The following LAMA3 variants were observed in gnomAD, a reference collection of about 807,000 sequenced individuals.
LAMA3 encodes the protein laminin subunit alpha 3.
A neutral mutation model predicts 402.0 loss-of-function variants in LAMA3; 281 were observed. The observed-to-expected ratio is 0.70, with a 90% CI of 0.63 to 0.77. The LOEUF is 0.77. LAMA3 is among the 30% of genes least tolerant of loss of function. The pLI, the probability that LAMA3 is intolerant of heterozygous loss-of-function variation, is 0.00. For synonymous variants in LAMA3, 1,431 were observed against 1,558.4 expected, an observed-to-expected ratio of 0.92 and a Z score of 1.93; for missense variants, 3,840 against 4,215.5, an observed-to-expected ratio of 0.91 and a Z score of 2.47.
chr18:23,853,776 G>A (rs1185062346), intron 32 of LAMA3, among the ~76,000 whole-genome samples: 1 of 152,190 alleles, frequency 6.6e-6, no homozygotes, highest in Non-Finnish European at 1.5e-5. Context: ...TGGTAGGGCT[G>A]TTCCTTGGGT....
In LAMA3 at chr18:23,842,612, C is replaced by T. The variant is rs748706179; in HGVS notation, c.3465C>T (p.Gly1155=). 1 of 1,614,222 alleles carries T rather than the reference C, an allele frequency of 6.2e-7. No homozygotes were observed. The highest frequency in any genetic ancestry group is 1.3e-5 in the African/African-American group (1 of 75,074). The change falls in exon 29 of 75, where the codon GGC becomes GGT. Residue 1155 remains glycine (G), a splice_region_variant and synonymous_variant. Transcript: ENST00000313654. ...VSVDGGWPRA[G]SFHASFCPHV... is the part of the protein sequence containing the mutation. ...AAAGTCTCTCTCTCTCTCTGCCAGG[C>T]TCCTTCCATGCCTCTTTTTGCCCCC...
chr18:23,707,693 G>C (rs866366759), intron 1 of LAMA3, among the ~76,000 whole-genome samples: 1 of 150,698 alleles, frequency 6.6e-6, no homozygotes, highest in African/African-American at 2.4e-5. Context: ...TAGAGACAAG[G>C]TTTCACTATG....
At chr18:23,947,512 T>G (rs1381062688) in intron 70 of LAMA3, among the ~76,000 whole-genome samples, 3 of 152,190 alleles carry the variant, frequency 2.0e-5, no homozygotes, top group Non-Finnish European at 2.9e-5. Flanking sequence ...GCTTGGATGC[T>G]AGCTGCTTAG....
Position 23,914,775 on chromosome 18 carries a change from T to G in LAMA3, c.7559T>G (p.Met2520Arg). ...SKPETPGVYDMDGRNSNTLLN... is the reference protein window; with the variant it reads ...SKPETPGVYDRDGRNSNTLLN... ...CCAGAAACACCCGGAGTCTATGACA[T>G]GGATGGTAGAAATAGCAATACACTC... Residue 2520 changes from methionine (M) to arginine (R), a missense_variant, in exon 58 of 75, where the codon ATG becomes AGG. Physicochemically the swap from Met to Arg is moderately conservative, Grantham distance 91. This residue lies in a region of LAMA3 where 891 missense variants were observed against 857.5 expected (regional missense o/e 1.04). Coordinates refer to ENST00000313654, the MANE Select transcript of LAMA3 (RefSeq NM_198129.4). 6.2e-7 allele frequency: 1 copy of G among 1,613,260 alleles called. No individual in the cohort carries two copies. The highest frequency in any genetic ancestry group is 8.5e-7 in the Non-Finnish European group (1 of 1,179,224).
At chr18:23,712,839 G>A (rs1040016111) in intron 1 of LAMA3, among the ~76,000 whole-genome samples, 2 of 151,676 alleles carry the variant, frequency 1.3e-5, no homozygotes, top group Non-Finnish European at 2.9e-5. Flanking sequence ...GTGGGTATAA[G>A]TTTGCCTCTT....
rs760949639 is a variant in LAMA3, at chr18:23,914,765, G to A, written c.7549G>A (p.Val2517Ile). ...ATCCAGTAAACCAGAAACACCCGGA[G>A]TCTATGACATGGATGGTAGAAATAG... ...ATSSKPETPG[V>I]YDMDGRNSNT... The change falls in exon 58 of 75, where the codon GTC becomes ATC. Residue 2517 changes from valine (V) to isoleucine (I), a missense_variant. Val to Ile is a conservative substitution (Grantham distance 29, BLOSUM62 3). Transcript: ENST00000313654. 1.9e-6 allele frequency: 3 copies of A among 1,613,364 alleles called. No homozygotes were observed. The highest frequency in any genetic ancestry group is 2.7e-5 in the African/African-American group (2 of 74,890).
At chr18:23,891,454 G>T (rs2080661591) in intron 42 of LAMA3, among the ~76,000 whole-genome samples, 2 of 152,162 alleles carry the variant, frequency 1.3e-5, no homozygotes, top group Non-Finnish European at 2.9e-5. Flanking sequence ...GTTTTTTCCG[G>T]CATCTGCTGG....
chr18:23,847,025 C>G (rs1395499635), intron 31 of LAMA3, among the ~76,000 whole-genome samples: 4 of 152,222 alleles, frequency 2.6e-5, no homozygotes, highest in South Asian at 4.1e-4. Flanking sequence ...GTGAGAAATG[C>G]AGTGTGCAGA....
intron 41 of LAMA3, among the ~76,000 whole-genome samples, chr18:23,888,593 C>CA (rs1202866953): frequency 6.6e-6 from 1 of 152,092 alleles, no homozygotes; most frequent in Non-Finnish European, 1.5e-5. Context: ...AGCAACAGCC[C>CA]AAGATCACAC....
In LAMA3 at chr18:23,804,548, G is replaced by A. The variant is rs529196116; in HGVS notation, c.1604-5818G>A. On this transcript the variant is annotated intron_variant, in intron 12 of 74. Transcript: ENST00000313654. ...CATAATGTCCTCAATGTAATAGACC[G>A]ATGTGATGCCTTATGGAAGGGAAAG... Among the ~76,000 whole-genome samples, 9 of 152,282 alleles carry A rather than the reference G, an allele frequency of 5.9e-5. No homozygotes were observed. In the South Asian group the frequency reaches 1.0e-3, roughly 18 times the overall value.
chr18:23,920,740 G>A (rs1382981286), intron 60 of LAMA3, among the ~76,000 whole-genome samples, 195 bp from the exon 61 acceptor site: 1 of 152,214 alleles, frequency 6.6e-6, no homozygotes, highest in African/African-American at 2.4e-5. Flanking sequence ...CACTGTGCGT[G>A]ACATTTAACG....
chr18:23,689,519 G>T lies in LAMA3; in HGVS notation c.-165G>T. On this transcript the variant is annotated 5_prime_UTR_variant, in exon 1 of 75. Coordinates refer to ENST00000313654, the MANE Select transcript of LAMA3 (RefSeq NM_198129.4). ...TCCAGAGCTGAGAGGCCACCCCCACGCCGCGGGCTTCCAGCGCGTGGAGCA... is the reference window on the plus strand; with the variant it reads ...TCCAGAGCTGAGAGGCCACCCCCACTCCGCGGGCTTCCAGCGCGTGGAGCA... 1.7e-6 allele frequency: 1 copy of T among 599,954 alleles called. No individual in the cohort carries two copies. The highest frequency in any genetic ancestry group is 2.4e-6 in the Non-Finnish European group (1 of 417,492). 37.2% of individuals were successfully genotyped at this position (599,954 alleles called of 1,614,324 possible). A position where few individuals can be genotyped will look rare whatever the true frequency, so the allele number is the denominator to read the frequency against.
At chr18:23,797,948 G>A (rs2062797932) in intron 12 of LAMA3, among the ~76,000 whole-genome samples, 1 of 152,026 alleles carries the variant, frequency 6.6e-6, no homozygotes, top group African/African-American at 2.4e-5. Context: ...TTTGAGAACT[G>A]TCTATATGTA....
intron 74 of LAMA3, 65 bp from the exon 75 acceptor site, chr18:23,954,438 A>ATCCAG: frequency 7.1e-7 from 1 of 1,403,652 alleles, no homozygotes; most frequent in South Asian, 1.2e-5. Context: ...ATCTTTTAAA[A>ATCCAG]TCCAGGGAAC....
chr18:23,846,499 C>A lies in LAMA3; in HGVS notation c.3922C>A (p.Arg1308Ser), dbSNP rs1194052586. 6.2e-7 allele frequency: 1 copy of A among 1,608,230 alleles called. No homozygotes were observed. The highest frequency in any genetic ancestry group is 8.5e-7 in the Non-Finnish European group (1 of 1,179,842). ...RCATGHYGFP[R>S]CKPCSCGRRL... Reference sequence around the variant, plus strand: ...TGCAACAGGCCACTACGGATTCCCACGCTGCAAGCGTAAGTGCACGTTTCC... The same window carrying A: ...TGCAACAGGCCACTACGGATTCCCAAGCTGCAAGCGTAAGTGCACGTTTCC... The change falls in exon 31 of 75, where the codon CGC becomes AGC. Residue 1308 changes from arginine to serine, a missense_variant. Physicochemically the swap from Arg to Ser is moderately radical, Grantham distance 110. Around this residue, in one of 3 missense-constraint regions of LAMA3, gnomAD observed 2,109 missense variants for 2,376.0 expected, o/e 0.89. Transcript: ENST00000313654.
At chr18:23,751,419 C>G (rs913361707) in intron 5 of LAMA3, among the ~76,000 whole-genome samples, 2 of 152,112 alleles carry the variant, frequency 1.3e-5, no homozygotes, top group African/African-American at 4.8e-5. Flanking sequence ...TTTCTTGCTC[C>G]TATTACAGTT....
chr18:23,848,540 C>T (rs2063873940), intron 32 of LAMA3, among the ~76,000 whole-genome samples: 1 of 152,234 alleles, frequency 6.6e-6, no homozygotes, highest in South Asian at 2.1e-4. Flanking sequence ...AGGATGGCAG[C>T]GTGCAGGGGA....
chr18:23,872,104 T>C (rs1391851265), intron 38 of LAMA3, among the ~76,000 whole-genome samples: 3 of 152,194 alleles, frequency 2.0e-5, no homozygotes, highest in Non-Finnish European at 4.4e-5. Flanking sequence ...GTTTTTAAAA[T>C]AACATATTTT....
chr18:23,954,631 G>A lies in LAMA3; in HGVS notation c.9985G>A (p.Gly3329Ser), dbSNP rs1401702848. ...LEVQGPVSLNGCPDQ is the reference protein window; with the variant it reads ...LEVQGPVSLNSCPDQ ...AGTCCAGGGGCCTGTCAGTCTGAAT[G>A]GTTGTCCTGACCAGTAACCCAAGCC... Residue 3329 changes from glycine (G) to serine (S), a missense_variant, in exon 75 of 75, where the codon GGT (glycine) becomes AGT (serine). Physicochemically the swap from Gly to Ser is moderately conservative, Grantham distance 56. Around this residue, in one of 3 missense-constraint regions of LAMA3, gnomAD observed 840 missense variants for 981.9 expected, o/e 0.86. Coordinates refer to ENST00000313654, the MANE Select transcript of LAMA3 (RefSeq NM_198129.4). The A allele has an allele frequency of 6.2e-7, 1 of 1,614,064 alleles. No individual in the cohort carries two copies. The highest frequency in any genetic ancestry group is 2.2e-5 in the East Asian group (1 of 44,882).
Sources: allele counts gnomAD v4.1 joint callset (sites outside exome capture counted in the v4.1 genomes callset), GRCh38; gene constraint gnomAD v4.1.1; regional missense constraint gnomAD v4.1.1; transcripts MANE v1.5; gene names NCBI Gene and HGNC (gene_info 2026-07-23, HGNC 2026-07-21).